The following HTR2C variants were observed in gnomAD, a reference collection of about 807,000 sequenced individuals.
The protein encoded by HTR2C is 5-hydroxytryptamine receptor 2C.
Under a neutral mutation model 21.0 loss-of-function variants are expected in HTR2C, and 5 were observed. The observed-to-expected ratio is 0.24, with a 90% CI of 0.12 to 0.50. The LOEUF is 0.50. Among genes scored for constraint, HTR2C ranks in the 20% least tolerant of loss-of-function variants. The pLI is 0.98. For missense variants in HTR2C, 271 were observed against 371.2 expected (o/e 0.73, Z 2.22); for synonymous variants, 150 against 145.3 (o/e 1.03, Z -0.23).
intron 4 of HTR2C, among the ~76,000 whole-genome samples, chrX:114,733,802 C>T (rs2069561014): frequency 9.0e-6 from 1 of 110,887 alleles, no homozygotes; most frequent in South Asian, 3.8e-4. Context: ...TTGGAAGCTA[C>T]CTACAAACTG....
At chrX:114,691,213 AT>A (rs1569484319) in intron 2 of HTR2C, among the ~76,000 whole-genome samples, 1 of 111,240 alleles carries the variant, frequency 9.0e-6, no homozygotes, top group East Asian at 2.8e-4. Context: ...TGAAATACTA[AT>A]TATACAGAAG....
intron 2 of HTR2C, among the ~76,000 whole-genome samples, chrX:114,700,830 C>A (rs956073646): frequency 1.8e-5 from 2 of 112,341 alleles, no homozygotes; most frequent in African/African-American, 6.5e-5. Flanking sequence ...ACAGACGGCA[C>A]CTGGAAAATC....
intron 4 of HTR2C, among the ~76,000 whole-genome samples, chrX:114,811,089 C>T (rs1556452626): frequency 3.6e-5 from 4 of 111,626 alleles, no homozygotes; most frequent in Non-Finnish European, 1.9e-5. Context: ...TCTTGAAGTT[C>T]CAAGAAAGCC....
chrX:114,853,177 T>A (rs1258356350), intron 5 of HTR2C, among the ~76,000 whole-genome samples: 1 of 111,908 alleles, frequency 8.9e-6, no homozygotes, highest in Non-Finnish European at 1.9e-5. Flanking sequence ...GAAAACCACT[T>A]CAGTGCCATT....
intron 2 of HTR2C, among the ~76,000 whole-genome samples, chrX:114,627,853 G>C (rs1556403253): frequency 8.9e-6 from 1 of 111,812 alleles, no homozygotes; most frequent in African/African-American, 3.3e-5. Context: ...AATCTGCATT[G>C]ACCATGATAG....
intron 1 of HTR2C, among the ~76,000 whole-genome samples, chrX:114,596,943 C>T (rs1340999393): frequency 9.0e-6 from 1 of 110,728 alleles, no homozygotes; most frequent in African/African-American, 3.3e-5. Flanking sequence ...TTGTGTCGGC[C>T]ATGGTGGCTC....
chrX:114,804,148 C>T (rs1490457937), intron 4 of HTR2C, among the ~76,000 whole-genome samples: 2 of 111,478 alleles, frequency 1.8e-5, no homozygotes, highest in African/African-American at 6.5e-5. Flanking sequence ...AACTCATGAA[C>T]GAGGGGACAG....
At position 114,638,092 on chromosome X, in the gene HTR2C, G is replaced by T. The variant is rs1016581636; in HGVS notation, c.-80+24211G>T. Reference sequence around the variant, plus strand: ...AACTTTGCTTAATGTAGAAAGAAATGACTCAGGTTAAACAGAATGCTTCGC... The same window carrying T: ...AACTTTGCTTAATGTAGAAAGAAATTACTCAGGTTAAACAGAATGCTTCGC... On this transcript the variant is annotated intron_variant, in intron 2 of 5. Transcript: ENST00000276198. Among the ~76,000 whole-genome samples, 15 of 111,362 alleles carry T rather than the reference G, an allele frequency of 1.3e-4. No homozygotes were observed. The Admixed American group carries it at 1.3e-3, about 10-fold the overall frequency.
chrX:114,654,004 T>C (rs1602666123), intron 2 of HTR2C, among the ~76,000 whole-genome samples: 1 of 110,588 alleles, frequency 9.0e-6, no homozygotes, highest in South Asian at 3.8e-4. Context: ...TGTGTAATCT[T>C]GAGCCAGTGA....
At chrX:114,685,348 A>C (rs1312258972) in intron 2 of HTR2C, among the ~76,000 whole-genome samples, 1 of 111,759 alleles carries the variant, frequency 8.9e-6, no homozygotes, top group African/African-American at 3.2e-5. Flanking sequence ...ATATTAATAG[A>C]ATATTCTTGT....
At chrX:114,646,488 G>C (rs1352523342) in intron 2 of HTR2C, among the ~76,000 whole-genome samples, 2 of 112,036 alleles carry the variant, frequency 1.8e-5, no homozygotes, top group Admixed American at 9.5e-5. Flanking sequence ...TATATATGTT[G>C]CTAACAGTTG....
At chrX:114,759,807 G>T (rs970899910) in intron 4 of HTR2C, among the ~76,000 whole-genome samples, 3 of 111,095 alleles carry the variant, frequency 2.7e-5, no homozygotes, top group African/African-American at 9.8e-5. Flanking sequence ...ACACTTCGTG[G>T]AGTAACAACT....
At chrX:114,762,989 C>T (rs1288868773) in intron 4 of HTR2C, among the ~76,000 whole-genome samples, 11 of 112,302 alleles carry the variant, frequency 9.8e-5, no homozygotes, top group Admixed American at 3.8e-4. Context: ...ATGAGCAAAT[C>T]AATTTTCATC....
intron 4 of HTR2C, among the ~76,000 whole-genome samples, chrX:114,785,461 T>C (rs1310717965): frequency 1.8e-5 from 2 of 111,944 alleles, no homozygotes; most frequent in African/African-American, 6.5e-5. Context: ...ATCTTAGGAA[T>C]GCAAAGTTGA....
At chrX:114,701,030 C>A (rs1932465218) in intron 2 of HTR2C, among the ~76,000 whole-genome samples, 1 of 112,396 alleles carries the variant, frequency 8.9e-6, no homozygotes, top group Admixed American at 9.4e-5. Context: ...ATTGCCCAGG[C>A]TTGCTTAGGT....
chrX:114,669,560 T>C (rs73638453), intron 2 of HTR2C, among the ~76,000 whole-genome samples: 1,298 of 111,585 alleles, frequency 0.012, 16 homozygotes, highest in African/African-American at 0.039. Context: ...TTAAGAGTGG[T>C]GGCACGTGCC....
At chrX:114,859,756 T>C (rs1240614554) in intron 5 of HTR2C, among the ~76,000 whole-genome samples, 1 of 111,434 alleles carries the variant, frequency 9.0e-6, no homozygotes, top group East Asian at 2.8e-4. Context: ...TTTAACTTCT[T>C]AAGGAAGAAA....
At chrX:114,645,318 C>T (rs1930322431) in intron 2 of HTR2C, among the ~76,000 whole-genome samples, 1 of 110,289 alleles carries the variant, frequency 9.1e-6, no homozygotes, top group African/African-American at 3.3e-5. Context: ...AAAAAAAGTG[C>T]CTCAAGAAAA....
At chrX:114,818,665 T>G (rs1191811632) in intron 4 of HTR2C, among the ~76,000 whole-genome samples, 1 of 111,447 alleles carries the variant, frequency 9.0e-6, no homozygotes, top group Admixed American at 9.6e-5. Flanking sequence ...CCACAGCCCA[T>G]GGGCCAAATC....
Sources: gnomAD v4.1 joint callset for allele counts (sites outside exome capture counted in the v4.1 genomes callset) on GRCh38, gnomAD v4.1.1 for gene constraint, MANE v1.5 for transcripts, NCBI Gene and HGNC (gene_info 2026-07-23, HGNC 2026-07-21) for gene names.